The following EPHB1 variants were observed in gnomAD, a reference collection of about 807,000 sequenced individuals.
The protein encoded by EPHB1 is EPH receptor B1.
In EPHB1, 30 loss-of-function variants were observed where a neutral mutation model predicts 94.4. The ratio of observed to expected loss-of-function variants is 0.32; its 90% confidence interval spans 0.24 to 0.43. The LOEUF (loss-of-function observed/expected upper bound fraction) is 0.43. Among genes scored for constraint, EPHB1 ranks in the 20% least tolerant of loss-of-function variants. EPHB1 has a pLI of 1.00. For missense variants in EPHB1, 1,055 were observed against 1,308.3 expected (o/e 0.81, Z 2.99); for synonymous variants, 522 against 489.1 (o/e 1.07, Z -0.89).
At chr3:134,940,354 C>T (rs899884383) in intron 2 of EPHB1, among the ~76,000 whole-genome samples, 2 of 152,162 alleles carry the variant, frequency 1.3e-5, no homozygotes, top group Non-Finnish European at 2.9e-5. Context: ...TTTCAGTCTT[C>T]GTATTACCCT....
chr3:135,018,237 G>A (rs1419406785), intron 3 of EPHB1, among the ~76,000 whole-genome samples: 1 of 152,164 alleles, frequency 6.6e-6, no homozygotes, highest in Non-Finnish European at 1.5e-5. Context: ...GACCCATTAA[G>A]GCAGAGGTAA....
chr3:135,113,474 T>C (rs1939547817), intron 4 of EPHB1, among the ~76,000 whole-genome samples: 1 of 152,234 alleles, frequency 6.6e-6, no homozygotes, highest in African/African-American at 2.4e-5. Context: ...CTCTGAGCAC[T>C]GCCACCCCAA....
intron 3 of EPHB1, among the ~76,000 whole-genome samples, chr3:135,048,485 G>C (rs141444359): frequency 0.017 from 2,532 of 152,064 alleles, 61 homozygotes; most frequent in African/African-American, 0.057. Context: ...GCCCAGGCTG[G>C]TCTTGAACTT....
intron 3 of EPHB1, among the ~76,000 whole-genome samples, chr3:134,974,386 G>A (rs1934102002): frequency 6.6e-6 from 1 of 152,110 alleles, no homozygotes; most frequent in African/African-American, 2.4e-5. Flanking sequence ...ACCTTTCTGT[G>A]CGTTGCTTTC....
intron 1 of EPHB1, among the ~76,000 whole-genome samples, chr3:134,858,185 TCA>T (rs2037164946): frequency 6.6e-6 from 1 of 152,048 alleles, no homozygotes; most frequent in African/African-American, 2.4e-5. Context: ...ATCATCATCA[TCA>T]TCATCATCAT....
At chr3:135,230,404 G>C (rs1002091452) in intron 12 of EPHB1, among the ~76,000 whole-genome samples, 1 of 151,178 alleles carries the variant, frequency 6.6e-6, no homozygotes, top group Non-Finnish European at 1.5e-5. Flanking sequence ...CCATCTAGGA[G>C]AGCAAAGTGT....
chr3:135,140,030 G>A (rs1940765845), intron 5 of EPHB1, among the ~76,000 whole-genome samples: 1 of 152,136 alleles, frequency 6.6e-6, no homozygotes, highest in Middle Eastern at 3.2e-3. Context: ...GGACCTATTT[G>A]CTTGTTTACT....
chr3:134,808,114 T>TAATCAGC (rs2036104509), intron 1 of EPHB1, among the ~76,000 whole-genome samples: 1 of 152,228 alleles, frequency 6.6e-6, no homozygotes, highest in Non-Finnish European at 1.5e-5. Context: ...GAATGGAGAC[T>TAATCAGC]AATCAGCACA....
chr3:135,032,040 C>T (rs1347328510), intron 3 of EPHB1, among the ~76,000 whole-genome samples: 2 of 151,986 alleles, frequency 1.3e-5, no homozygotes, highest in African/African-American at 4.8e-5. Flanking sequence ...TCTCTTTTAT[C>T]CCTGAAATTC....
intron 12 of EPHB1, among the ~76,000 whole-genome samples, chr3:135,229,594 G>GA (rs1943486514): frequency 1.3e-5 from 2 of 152,072 alleles, no homozygotes; most frequent in Admixed American, 6.5e-5. Flanking sequence ...ATGAAGAGGA[G>GA]AAAAAATAAT....
At chr3:135,221,378 AT>A (rs1248627523) in intron 12 of EPHB1, among the ~76,000 whole-genome samples, 1 of 152,184 alleles carries the variant, frequency 6.6e-6, no homozygotes. Context: ...AAACCTCATT[AT>A]TCATTTTTGT....
At chr3:134,891,871 T>C (rs1483703688) in intron 1 of EPHB1, among the ~76,000 whole-genome samples, 2 of 152,240 alleles carry the variant, frequency 1.3e-5, no homozygotes, top group African/African-American at 4.8e-5. Context: ...TTTTCTTCTC[T>C]ATAGTTCCGT....
chr3:135,071,951 C>T (rs1937731313), intron 3 of EPHB1, among the ~76,000 whole-genome samples: 1 of 152,208 alleles, frequency 6.6e-6, no homozygotes, highest in Non-Finnish European at 1.5e-5. Context: ...TGCTCAACAT[C>T]TTTGCCAGCC....
chr3:134,865,039 A>C (rs150713579), intron 1 of EPHB1, among the ~76,000 whole-genome samples: 35 of 152,062 alleles, frequency 2.3e-4, no homozygotes, highest in African/African-American at 8.2e-4. Context: ...GTTTTCAAAA[A>C]CTTTTGACTA....
At chr3:135,124,337 A>T (rs539648174) in intron 4 of EPHB1, among the ~76,000 whole-genome samples, 1 of 151,746 alleles carries the variant, frequency 6.6e-6, no homozygotes, top group Non-Finnish European at 1.5e-5. Context: ...GTATCATCAG[A>T]GCCCTATGAC....
rs1162519633 is a variant in EPHB1, at chr3:135,003,582, G to A, written c.805+51530G>A. Reference sequence around the variant, plus strand: ...GGTGTTAAAGTCTCCCATTATTAATGTGTGGGAGTCTAAATCTCTTTGTAG... The same window carrying A: ...GGTGTTAAAGTCTCCCATTATTAATATGTGGGAGTCTAAATCTCTTTGTAG... On this transcript the variant is annotated intron_variant, in intron 3 of 15. Coordinates refer to ENST00000398015, the MANE Select transcript of EPHB1 (RefSeq NM_004441.5). Among the ~76,000 whole-genome samples the A allele has an allele frequency of 3.7e-4, 56 of 152,008 alleles. No homozygotes were observed. In the East Asian group the frequency reaches 8.5e-3, roughly 23 times the overall value.
intron 1 of EPHB1, among the ~76,000 whole-genome samples, chr3:134,819,506 T>A (rs992813518): frequency 6.6e-6 from 1 of 152,182 alleles, no homozygotes; most frequent in Non-Finnish European, 1.5e-5. Flanking sequence ...TTATAGGGGC[T>A]TTGGAATGAG....
chr3:134,837,720 G>T (rs1033161407), intron 1 of EPHB1, among the ~76,000 whole-genome samples: 2 of 152,216 alleles, frequency 1.3e-5, no homozygotes, highest in Non-Finnish European at 2.9e-5. Context: ...AGAATGCTCT[G>T]CTCTGGCCCT....
At chr3:135,168,475 C>A (rs1941716019) in intron 9 of EPHB1, among the ~76,000 whole-genome samples, 2 of 152,242 alleles carry the variant, frequency 1.3e-5, no homozygotes, top group Non-Finnish European at 2.9e-5. Context: ...TATGGCCGGA[C>A]TGTGTGCCTT....
Sources: gnomAD v4.1 joint callset for allele counts (sites outside exome capture counted in the v4.1 genomes callset) on GRCh38, gnomAD v4.1.1 for gene constraint, MANE v1.5 for transcripts, NCBI Gene and HGNC (gene_info 2026-07-23, HGNC 2026-07-21) for gene names.